SMG7: variants seen among roughly 807,000 people sequenced by gnomAD.
The protein encoded by SMG7 is SMG7 nonsense mediated mRNA decay factor, also known as nonsense-mediated mRNA decay factor SMG7.
Under a neutral mutation model 148.2 loss-of-function variants are expected in SMG7, and 34 were observed. The ratio of observed to expected loss-of-function variants is 0.23; its 90% CI spans 0.17 to 0.31. SMG7 has a LOEUF of 0.31. SMG7 is among the 10% of genes least tolerant of loss of function. SMG7 has a pLI of 1.00. For synonymous variants in SMG7, 492 were observed against 515.1 expected (o/e 0.96, Z 0.61); for missense variants, 1,114 against 1,408.4 (o/e 0.79, Z 3.35).
At chr1:183,537,034 A>G in intron 10 of SMG7, 111 bp from the exon 11 acceptor site, 2 of 698,834 alleles carry the variant, frequency 2.9e-6, no homozygotes, top group African/African-American at 1.8e-5. Context: ...ATGCTGAAAT[A>G]AGGGAAAAAT....
chr1:183,523,927 G>GT (rs966349153), intron 4 of SMG7, among the ~76,000 whole-genome samples: 8 of 147,382 alleles, frequency 5.4e-5, no homozygotes, highest in Non-Finnish European at 9.0e-5. Flanking sequence ...TTTGTTTTTT[G>GT]TTTTTTTCAT....
chr1:183,475,699 T>C (rs947006519), intron 1 of SMG7, among the ~76,000 whole-genome samples: 1 of 152,212 alleles, frequency 6.6e-6, no homozygotes, highest in African/African-American at 2.4e-5. Flanking sequence ...GCAGTGGATC[T>C]AGAAAGTTAT....
Position 183,533,283 on chromosome 1 carries a change from C to G in SMG7, c.963C>G (p.Ser321Arg). 1 of 1,613,952 alleles carries G rather than the reference C, an allele frequency of 6.2e-7. No individual in the cohort carries two copies. Among genetic ancestry groups the G allele is most frequent in the Non-Finnish European group, 8.5e-7 (1 of 1,179,846 alleles). Residue 321 changes from serine (S) to arginine (R), a missense_variant, in exon 9 of 23, where the codon AGC becomes AGG. Physicochemically the swap from Ser to Arg is moderately radical, Grantham distance 110. Coordinates refer to ENST00000688051, the MANE Select transcript of SMG7 (RefSeq NM_001375584.1). Reference sequence around the variant, plus strand: ...ATGAAACCGAGCAGCACACTTATAGCCAAGATGAGCAGCTATGTTGGACAC... The same window carrying G: ...ATGAAACCGAGCAGCACACTTATAGGCAAGATGAGCAGCTATGTTGGACAC... Reference protein sequence around the residue: ...FSNETEQHTYSQDEQLCWTQL... With the variant: ...FSNETEQHTYRQDEQLCWTQL...
intron 1 of SMG7, among the ~76,000 whole-genome samples, chr1:183,503,195 G>A (rs1208712333): frequency 6.6e-6 from 1 of 152,166 alleles, no homozygotes; most frequent in East Asian, 1.9e-4. Context: ...TAGAATTGTT[G>A]TGAGAATCAA....
chr1:183,526,785 A>G lies in SMG7; in HGVS notation c.484+18A>G. ...AGACATTGGTGAGCCTTTGCTGTGA[A>G]GGAATTGATAATATGTTCCTCCTTT... is the stretch of plus-strand genomic sequence containing the variant. On this transcript the variant is annotated intron_variant, in intron 5 of 22. Coordinates refer to ENST00000688051, the MANE Select transcript of SMG7 (RefSeq NM_001375584.1). 2 of 1,588,106 alleles carry G rather than the reference A, an allele frequency of 1.3e-6. No individual in the cohort carries two copies. Among genetic ancestry groups the G allele is most frequent in the Non-Finnish European group, 1.7e-6 (2 of 1,168,152 alleles).
At chr1:183,485,470 G>T (rs1655217444) in intron 1 of SMG7, among the ~76,000 whole-genome samples, 1 of 152,054 alleles carries the variant, frequency 6.6e-6, no homozygotes, top group Non-Finnish European at 1.5e-5. Context: ...CATTTAGATT[G>T]CTTTATCTTA....
chr1:183,543,540 G>A (rs977371535), intron 14 of SMG7, among the ~76,000 whole-genome samples: 1 of 151,874 alleles, frequency 6.6e-6, no homozygotes, highest in Non-Finnish European at 1.5e-5. Context: ...GAGATAATGA[G>A]TCCAGCATTT....
At chr1:183,473,409 G>A (rs1380487205) in intron 1 of SMG7, among the ~76,000 whole-genome samples, 1 of 151,950 alleles carries the variant, frequency 6.6e-6, no homozygotes. Context: ...AGTGACACAT[G>A]GGAATAGTGT....
chr1:183,528,979 T>C lies in SMG7; in HGVS notation c.644T>C (p.Val215Ala). 2 of 1,613,494 alleles carry C rather than the reference T, an allele frequency of 1.2e-6. No individual in the cohort carries two copies. The highest frequency in any genetic ancestry group is 1.7e-6 in the Non-Finnish European group (2 of 1,179,552). Reference protein sequence around the residue: ...TIFYYCRSIAVKFPFPAASTN... With the variant: ...TIFYYCRSIAAKFPFPAASTN... ...TTCTACTACTGCAGAAGCATTGCTG[T>C]GAAGTTCCCTTTCCCAGCTGCCTCC... The change falls in exon 7 of 23, where the codon GTG becomes GCG. Residue 215 changes from valine to alanine, a missense_variant. This residue lies in a region of SMG7 where 216 missense variants were observed against 329.1 expected (regional missense o/e 0.66). Coordinates refer to ENST00000688051, the MANE Select transcript of SMG7 (RefSeq NM_001375584.1).
intron 4 of SMG7, among the ~76,000 whole-genome samples, chr1:183,524,563 A>G (rs1423367770): frequency 2.0e-5 from 3 of 152,204 alleles, no homozygotes; most frequent in Non-Finnish European, 2.9e-5. Flanking sequence ...TCTTAGGAAA[A>G]AGGTGGCATG....
chr1:183,520,339 G>T lies in SMG7; in HGVS notation c.312+2519G>T, dbSNP rs897132507. Among the ~76,000 whole-genome samples, 4 of 152,086 alleles carry T rather than the reference G, an allele frequency of 2.6e-5. 1 individual carries two copies. Among genetic ancestry groups the T allele is most frequent in the African/African-American group, 9.7e-5 (4 of 41,406 alleles). ...TCTACATGTTAATTGAGTAGTCTCA[G>T]TTCAGTGGGATATTAATGAAAATGG... On this transcript the variant is annotated intron_variant, in intron 4 of 22. Transcript: ENST00000688051.
chr1:183,541,201 C>G, intron 13 of SMG7, 98 bp downstream of exon 13: 1 of 1,079,182 alleles, frequency 9.3e-7, no homozygotes. Flanking sequence ...TCATATGTTA[C>G]GTATTTTAGG....
At position 183,544,525 on chromosome 1, in the gene SMG7, T is replaced by G. The variant is rs367769292; in HGVS notation, c.1987+28T>G. On this transcript the variant is annotated intron_variant, in intron 15 of 22. Coordinates refer to ENST00000688051, the MANE Select transcript of SMG7 (RefSeq NM_001375584.1). ...AAATATGTTTTGTAATTTCTTCTAC[T>G]TAATCTTTTCTGTGCAAGAATTTCT... 5.0e-6 allele frequency: 8 copies of G among 1,608,292 alleles called. No homozygotes were observed. The African/African-American group carries it at 1.1e-4, about 22-fold the overall frequency.
intron 1 of SMG7, among the ~76,000 whole-genome samples, chr1:183,483,799 A>C (rs962441666): frequency 9.2e-5 from 14 of 152,314 alleles, no homozygotes; most frequent in African/African-American, 2.6e-4. Flanking sequence ...TCAAATAATA[A>C]GGCATACTGG....
rs114751312 is a variant in SMG7, at chr1:183,485,835, A to G, written c.29+13186A>G. ...TAACTTGCTTCTAAAGGAAAATTCA[A>G]TGTAACTTTTAAAAAGTAACAGATT... On this transcript the variant is annotated intron_variant, in intron 1 of 22. Transcript: ENST00000688051. Among the ~76,000 whole-genome samples the G allele has an allele frequency of 7.5e-3, 1,148 of 152,334 alleles. 16 individuals carry two copies. The highest frequency in any genetic ancestry group is 0.026 in the African/African-American group (1,083 of 41,572).
intron 1 of SMG7, among the ~76,000 whole-genome samples, chr1:183,485,396 G>A (rs149524745): frequency 1.3e-5 from 2 of 152,164 alleles, no homozygotes; most frequent in East Asian, 1.9e-4. Context: ...GAAGTGGGCC[G>A]GGTAGTTTTG....
At position 183,552,817 on chromosome 1, in the gene SMG7, A is replaced by G. The variant is rs1457968594; in HGVS notation, c.*886A>G. ...CATTCACAGCCTGACACGTTCTAATAGGTAGAAGCTTTCAGTGTGGTTATT... is the reference window on the plus strand; with the variant it reads ...CATTCACAGCCTGACACGTTCTAATGGGTAGAAGCTTTCAGTGTGGTTATT... On this transcript the variant is annotated 3_prime_UTR_variant, in exon 23 of 23. Coordinates refer to ENST00000688051, the MANE Select transcript of SMG7 (RefSeq NM_001375584.1). The G allele has an allele frequency of 1.3e-5, 18 of 1,427,936 alleles. No homozygotes were observed. Among genetic ancestry groups the G allele is most frequent in the South Asian group, 1.1e-4 (7 of 65,350 alleles). The allele number at this position is 1,427,936 out of a possible 1,614,324, so 88.5% of individuals were successfully genotyped here. A position where few individuals can be genotyped will look rare whatever the true frequency, so the allele number is the denominator to read the frequency against.
rs1671288964 is a variant in SMG7 at position 183,552,952 on chromosome 1, G to A, written c.*1021G>A. 6 of 1,533,298 alleles carry A rather than the reference G, an allele frequency of 3.9e-6. No homozygotes were observed. Among genetic ancestry groups the A allele is most frequent in the South Asian group, 2.4e-5 (2 of 83,982 alleles). The allele number at this position is 1,533,298 out of a possible 1,614,324, so 95.0% of individuals were successfully genotyped here. On this transcript the variant is annotated 3_prime_UTR_variant, in exon 23 of 23. Coordinates refer to ENST00000688051, the MANE Select transcript of SMG7 (RefSeq NM_001375584.1). Reference sequence around the variant, plus strand: ...GCTAGTAATTGTTTTTATTCCTAATGTGTGCAACATCACATCTCCCCAAGA... The same window carrying A: ...GCTAGTAATTGTTTTTATTCCTAATATGTGCAACATCACATCTCCCCAAGA...
chr1:183,544,847 C>G, intron 15 of SMG7, 83 bp from the exon 16 acceptor site: 1 of 1,400,444 alleles, frequency 7.1e-7, no homozygotes, highest in Non-Finnish European at 9.8e-7. Flanking sequence ...ACTCCCTCTA[C>G]CTACCTGTTA....
Sources: gnomAD v4.1 joint callset for allele counts (sites outside exome capture counted in the v4.1 genomes callset) on GRCh38, gnomAD v4.1.1 for gene constraint, gnomAD v4.1.1 regional missense constraint, MANE v1.5 for transcripts, NCBI Gene and HGNC (gene_info 2026-07-23, HGNC 2026-07-21) for gene names.